The following SNPH variants were observed in gnomAD, a reference collection of about 807,000 sequenced individuals.
SNPH encodes syntaphilin.
A neutral mutation model predicts 36.8 loss-of-function variants in SNPH; 10 were observed. That is an observed-to-expected ratio of 0.27 (90% CI 0.17 to 0.46). The LOEUF (loss-of-function observed/expected upper bound fraction) is 0.46, where lower values mean the gene tolerates loss of function less well. Among genes scored for constraint, SNPH ranks in the 20% least tolerant of loss-of-function variants. The pLI, the probability that SNPH is intolerant of heterozygous loss-of-function variation, is 1.00. For synonymous variants in SNPH, 281 were observed against 312.2 expected (o/e 0.90, Z 1.05); for missense variants, 622 against 744.0 (o/e 0.84, Z 1.91).
At chr20:1,279,729 G>A (rs1395948435) in intron 2 of SNPH, among the ~76,000 whole-genome samples, 1 of 151,794 alleles carries the variant, frequency 6.6e-6, no homozygotes, top group Non-Finnish European at 1.5e-5. Context: ...CTGGGCTCAG[G>A]TCTTATTTTG....
In SNPH at chr20:1,276,938, T is replaced by C. The variant is rs935621935; in HGVS notation, c.-493+10178T>C. Among the ~76,000 whole-genome samples, 27 of 152,174 alleles carry C rather than the reference T, an allele frequency of 1.8e-4. No individual in the cohort carries two copies. Among genetic ancestry groups the C allele is most frequent in the African/African-American group, 6.5e-4 (27 of 41,432 alleles). ...TCGTTGGTCAATTATTAGAAATCAG[T>C]TGGGGTTCGGCTTGGATGTCTGTTT... On this transcript the variant is annotated intron_variant, in intron 2 of 6. Transcript: ENST00000381867. This position sits in a 1 kb window ranked among gnomAD's most constrained non-coding sequence, Gnocchi z 4.6.
chr20:1,281,303 C>T (rs1415732328), intron 2 of SNPH, among the ~76,000 whole-genome samples: 1 of 152,190 alleles, frequency 6.6e-6, no homozygotes, highest in Non-Finnish European at 1.5e-5. Context: ...CTGACCTGTC[C>T]TGGTGCTTCT....
At chr20:1,286,835 T>G (rs59163041) in intron 2 of SNPH, among the ~76,000 whole-genome samples, 27,080 of 152,074 alleles carry the variant, frequency 0.18, 3,079 homozygotes, top group East Asian at 0.52. Flanking sequence ...TCAGGCTGGG[T>G]GGGGGCTTTG....
intron 2 of SNPH, among the ~76,000 whole-genome samples, chr20:1,284,668 G>T (rs1409857727): frequency 6.6e-6 from 1 of 152,084 alleles, no homozygotes; most frequent in African/African-American, 2.4e-5. Flanking sequence ...TCTGGGAGAA[G>T]AGCATTCCAG....
At chr20:1,288,459 TG>T (rs763488807) in intron 2 of SNPH, among the ~76,000 whole-genome samples, 24 of 152,002 alleles carry the variant, frequency 1.6e-4, no homozygotes, top group Non-Finnish European at 3.2e-4. Flanking sequence ...GTGGTGGGCT[TG>T]CACAGCAGCT....
intron 2 of SNPH, among the ~76,000 whole-genome samples, chr20:1,290,453 G>GT (rs1568545346): frequency 6.6e-6 from 1 of 152,112 alleles, no homozygotes; most frequent in East Asian, 1.9e-4. Flanking sequence ...GCGGCCTTTC[G>GT]TATCTGGCTT....
At chr20:1,272,341 G>T (rs183278134) in intron 2 of SNPH, among the ~76,000 whole-genome samples, 40 of 152,330 alleles carry the variant, frequency 2.6e-4, no homozygotes, top group Middle Eastern at 3.4e-3. Flanking sequence ...AATATGTTAA[G>T]CAAGGGATGT....
chr20:1,292,860 C>T (rs933708333), intron 2 of SNPH, among the ~76,000 whole-genome samples: 1 of 152,196 alleles, frequency 6.6e-6, no homozygotes, highest in Non-Finnish European at 1.5e-5. Flanking sequence ...CCCTCAAGAC[C>T]CAGTGCAAAT....
intron 2 of SNPH, among the ~76,000 whole-genome samples, chr20:1,289,761 T>G (rs577870244): frequency 1.3e-5 from 2 of 151,244 alleles, no homozygotes; most frequent in South Asian, 4.2e-4. Context: ...CTCAGGAGTT[T>G]GAGGCTGCAG....
chr20:1,308,776 A>T lies in SNPH; in HGVS notation c.*2722A>T, dbSNP rs1455423826. The T allele has an allele frequency of 6.6e-6, 1 of 152,294 alleles. No individual in the cohort carries two copies. The highest frequency in any genetic ancestry group is 1.5e-5 in the Non-Finnish European group (1 of 68,128). The allele number at this position is 152,294 out of a possible 1,614,324, so 9.4% of individuals were successfully genotyped here. ...TCCCCTTTCCCCAGCGTCTGGCAAG[A>T]GCTGATGAGGTCCTGAGGAACAGTG... On this transcript the variant is annotated 3_prime_UTR_variant, in exon 7 of 7. Transcript: ENST00000381867.
At chr20:1,284,695 G>GT (rs989199225) in intron 2 of SNPH, among the ~76,000 whole-genome samples, 1 of 152,088 alleles carries the variant, frequency 6.6e-6, no homozygotes, top group African/African-American at 2.4e-5. Flanking sequence ...GGAACAGCAT[G>GT]TGCAGAGGCC....
chr20:1,267,349 G>T (rs1422292263), intron 2 of SNPH, among the ~76,000 whole-genome samples: 5 of 152,178 alleles, frequency 3.3e-5, no homozygotes, highest in Non-Finnish European at 7.3e-5. Flanking sequence ...ACACCTACTA[G>T]CCTGGGGAGC....
At chr20:1,272,927 C>T (rs1568537575) in intron 2 of SNPH, among the ~76,000 whole-genome samples, 4 of 152,368 alleles carry the variant, frequency 2.6e-5, no homozygotes, top group East Asian at 1.9e-4. Context: ...GCCCTAGCCA[C>T]GCCTCCCTAC....
At chr20:1,272,180 G>T in intron 2 of SNPH, among the ~76,000 whole-genome samples, 1 of 152,128 alleles carries the variant, frequency 6.6e-6, no homozygotes, top group East Asian at 1.9e-4. Flanking sequence ...CCACAGACTC[G>T]TGTTCTCGTG....
Position 1,308,015 on chromosome 20 carries a change from GA to G in SNPH, c.*1965del, listed in dbSNP as rs2122480971. The stretch of plus-strand genomic sequence containing the variant: ...TCAGACATAGTCAAAGCTTTGCCGA[GA>G]AAAGAAATGTATGAACTATATTTGA... On this transcript the variant is annotated 3_prime_UTR_variant, in exon 7 of 7. Coordinates refer to ENST00000381867, the MANE Select transcript of SNPH (RefSeq NM_001318234.2). 1 of 152,800 alleles carries G rather than the reference GA, an allele frequency of 6.5e-6. No individual in the cohort carries two copies. Among genetic ancestry groups the G allele is most frequent in the East Asian group, 1.9e-4 (1 of 5,192 alleles). The allele number at this position is 152,800 out of a possible 1,614,324, so 9.5% of individuals were successfully genotyped here. A position where few individuals can be genotyped will look rare whatever the true frequency, so the allele number is the denominator to read the frequency against.
intron 2 of SNPH, among the ~76,000 whole-genome samples, chr20:1,270,048 T>C (rs151217304): frequency 1.3e-5 from 2 of 152,276 alleles, no homozygotes; most frequent in East Asian, 3.9e-4. Context: ...CTGAATAACC[T>C]TGGGTCAGCC....
intron 2 of SNPH, among the ~76,000 whole-genome samples, chr20:1,280,566 T>C (rs1437055956): frequency 6.6e-6 from 1 of 152,190 alleles, no homozygotes; most frequent in Non-Finnish European, 1.5e-5. Context: ...ATCTCCACTT[T>C]ATACATGGGC....
chr20:1,286,605 T>TG (rs776855868), intron 2 of SNPH, among the ~76,000 whole-genome samples: 8 of 152,200 alleles, frequency 5.3e-5, no homozygotes, highest in Non-Finnish European at 8.8e-5. Context: ...TAGAATGAGC[T>TG]GGCCCTGCTT....
chr20:1,302,622 A>G (rs1451105899), intron 6 of SNPH, among the ~76,000 whole-genome samples: 2 of 152,082 alleles, frequency 1.3e-5, no homozygotes, highest in Admixed American at 6.6e-5. Context: ...CCCATTAGCA[A>G]TCACCGCCAG....
Sources: gnomAD v4.1 joint callset for allele counts (sites outside exome capture counted in the v4.1 genomes callset) on GRCh38, gnomAD v4.1.1 for gene constraint, Gnocchi (gnomAD v3.1) non-coding constraint, MANE v1.5 for transcripts, NCBI Gene and HGNC (gene_info 2026-07-23, HGNC 2026-07-21) for gene names.